WNK3: variants seen among roughly 807,000 people sequenced by gnomAD.
The protein encoded by WNK3 is WNK lysine deficient protein kinase 3.
Under a neutral mutation model 116.7 loss-of-function variants are expected in WNK3, and 18 were observed. That is an observed-to-expected ratio of 0.15 (90% CI 0.11 to 0.23). The LOEUF is 0.23. Ranked by LOEUF, WNK3 falls within the 10% of genes least tolerant of loss-of-function variation. The probability of loss-of-function intolerance (pLI) is 1.00; values close to 1 mark genes in which losing one functional copy is unlikely to be tolerated. For synonymous variants in WNK3, 404 were observed against 469.4 expected (o/e 0.86, Z 1.80); for missense variants, 993 against 1,323.8 (o/e 0.75, Z 3.88).
chrX:54,208,129 A>G (rs1347413303), intron 22 of WNK3, among the ~76,000 whole-genome samples: 1 of 109,481 alleles, frequency 9.1e-6, no homozygotes, highest in African/African-American at 3.3e-5. Context: ...AATATATACT[A>G]TATATGTTTT....
Position 54,291,246 on chromosome X carries a change from G to C in WNK3, c.2037+1642C>G, listed in dbSNP as rs1603391255. Among the ~76,000 whole-genome samples the C allele has an allele frequency of 2.7e-5, 3 of 110,803 alleles. No individual in the cohort carries two copies. The Admixed American group carries it at 2.9e-4, about 11-fold the overall frequency. On this transcript the variant is annotated intron_variant, in intron 10 of 23. Coordinates refer to ENST00000354646, the Ensembl canonical transcript of WNK3. Reference sequence around the variant, plus strand: ...AAGAATCGTTTGAACCCGGGAGGCGGAGGTTGCAGTGAGCCGAGATCGCGC... The same window carrying C: ...AAGAATCGTTTGAACCCGGGAGGCGCAGGTTGCAGTGAGCCGAGATCGCGC...
chrX:54,344,772 G>A (rs1387491401), intron 1 of WNK3, among the ~76,000 whole-genome samples: 2 of 110,157 alleles, frequency 1.8e-5, no homozygotes, highest in Non-Finnish European at 3.8e-5. Context: ...GTCAAACCCC[G>A]TCTCTACTAA....
At chrX:54,346,365 G>A (rs961452807) in intron 1 of WNK3, among the ~76,000 whole-genome samples, 23 of 107,539 alleles carry the variant, frequency 2.1e-4, no homozygotes, top group African/African-American at 7.8e-4. Flanking sequence ...AGCACCTGGG[G>A]AGACTGAGGC....
At chrX:54,207,543 T>C (rs1263385082) in intron 22 of WNK3, among the ~76,000 whole-genome samples, 2 of 103,364 alleles carry the variant, frequency 1.9e-5, no homozygotes, top group Non-Finnish European at 4.0e-5. Context: ...GATGGAGTTT[T>C]GCTCTTGTTG....
chrX:54,250,932 G>A (rs782749103), intron 15 of WNK3, among the ~76,000 whole-genome samples: 3 of 111,136 alleles, frequency 2.7e-5, no homozygotes. Flanking sequence ...AAGTTTATCT[G>A]GTATCTGATT....
At chrX:54,346,107 TAC>T (rs782394853) in intron 1 of WNK3, among the ~76,000 whole-genome samples, 71 of 48,277 alleles carry the variant, frequency 1.5e-3, no homozygotes, top group Admixed American at 6.3e-3. Flanking sequence ...TATATATATA[TAC>T]ACACACACAT....
At chrX:54,279,174 G>C (rs1475177979) in intron 10 of WNK3, among the ~76,000 whole-genome samples, 1 of 109,718 alleles carries the variant, frequency 9.1e-6, no homozygotes, top group African/African-American at 3.3e-5. Context: ...CCAGTTCTAA[G>C]GCTAGGCAAA....
intron 1 of WNK3, among the ~76,000 whole-genome samples, chrX:54,350,893 A>G (rs2069505710): frequency 9.0e-6 from 1 of 111,666 alleles, no homozygotes. Flanking sequence ...AAAATGCAAG[A>G]TGGATATATA....
intron 20 of WNK3, among the ~76,000 whole-genome samples, chrX:54,233,804 G>A (rs1376258975): frequency 1.1e-5 from 1 of 92,992 alleles, no homozygotes; most frequent in African/African-American, 4.2e-5. Flanking sequence ...GTGAGACCCT[G>A]TCTCTCTGAA....
At chrX:54,264,072 G>A (rs1603384853) in intron 10 of WNK3, among the ~76,000 whole-genome samples, 1 of 107,707 alleles carries the variant, frequency 9.3e-6, no homozygotes, top group East Asian at 3.0e-4. Flanking sequence ...GGTGGCTCAT[G>A]CCTATAATCC....
Position 54,239,135 on chromosome X carries a change from C to T in WNK3, c.3652-36G>A, listed in dbSNP as rs1459291013. On this transcript the variant is annotated intron_variant, in intron 17 of 23. Transcript: ENST00000354646. ...CAAAACAAAACAAAACAAAACAAAA[C>T]AAAACAAAACAAAACAAAACAACCG... 4 of 857,499 alleles carry T rather than the reference C, an allele frequency of 4.7e-6. No homozygotes were observed. In the African/African-American group the frequency reaches 8.9e-5, roughly 19 times the overall value. The allele number at this position is 857,499 out of a possible 1,213,427, so 70.7% of individuals were successfully genotyped here.
intron 1 of WNK3, among the ~76,000 whole-genome samples, chrX:54,341,325 G>A (rs1557176341): frequency 9.1e-6 from 1 of 110,275 alleles, no homozygotes; most frequent in East Asian, 2.8e-4. Context: ...TGAACCCAGG[G>A]GGCAGAGGTT....
chrX:54,327,020 C>T (rs1224913767), intron 2 of WNK3, among the ~76,000 whole-genome samples: 1 of 111,263 alleles, frequency 9.0e-6, no homozygotes, highest in Non-Finnish European at 1.9e-5. Context: ...CATGCCATTG[C>T]ATTCCAGCCT....
At chrX:54,292,566 C>T (rs1415914532) in intron 10 of WNK3, among the ~76,000 whole-genome samples, 2 of 109,344 alleles carry the variant, frequency 1.8e-5, no homozygotes, top group Admixed American at 2.0e-4. Flanking sequence ...ATTAGCGGGG[C>T]ATGGTGGCAC....
At chrX:54,308,837 T>G (rs1447690846) in intron 4 of WNK3, among the ~76,000 whole-genome samples, 2 of 112,116 alleles carry the variant, frequency 1.8e-5, no homozygotes, top group Non-Finnish European at 3.8e-5. Context: ...AAGGGCCAGA[T>G]AGTAAACTGT....
chrX:54,353,942 C>T (rs781949129), intron 1 of WNK3, among the ~76,000 whole-genome samples: 8 of 108,452 alleles, frequency 7.4e-5, no homozygotes, highest in Admixed American at 2.0e-4. Context: ...ATTAGCCAGG[C>T]GTGGTGGCAT....
At chrX:54,292,698 C>T (rs2068652087) in intron 10 of WNK3, among the ~76,000 whole-genome samples, 190 bp downstream of exon 10, 1 of 89,298 alleles carries the variant, frequency 1.1e-5, no homozygotes, top group South Asian at 6.0e-4. Flanking sequence ...AAGAGCGACA[C>T]TCCACCTCAA....
rs1557168975 is a variant in WNK3 at position 54,307,922 on chromosome X, A to G, written c.1089T>C (p.Ser363=). 2 of 1,184,542 alleles carry G rather than the reference A, an allele frequency of 1.7e-6. No individual in the cohort carries two copies. Among genetic ancestry groups the G allele is most frequent in the Non-Finnish European group, 2.3e-6 (2 of 882,613 alleles). The change falls in exon 5 of 24, where the codon AGT becomes AGC. Residue 363 remains serine (S), a splice_region_variant and synonymous_variant. Transcript: ENST00000354646. ...GTAAAAAGAAAAAAGTTATACCTACACTAGTTACTTTCCGGTATATTTGAG... is the reference window on the plus strand; with the variant it reads ...GTAAAAAGAAAAAAGTTATACCTACGCTAGTTACTTTCCGGTATATTTGAG...
In WNK3 at chrX:54,244,602, T is replaced by G. The variant is rs553052252; in HGVS notation, c.3651+4095A>C. Among the ~76,000 whole-genome samples the G allele has an allele frequency of 8.0e-5, 9 of 112,016 alleles. No individual in the cohort carries two copies. The South Asian group carries it at 3.3e-3, about 41-fold the overall frequency. On this transcript the variant is annotated intron_variant, in intron 17 of 23. Coordinates refer to ENST00000354646, the Ensembl canonical transcript of WNK3. ...GAAAAAAATTAAGCTGAAAGCTGAGTCATGCAAGAAACTGCATTTCATTTT... is the reference window on the plus strand; with the variant it reads ...GAAAAAAATTAAGCTGAAAGCTGAGGCATGCAAGAAACTGCATTTCATTTT...
Sources: gnomAD v4.1 joint callset for allele counts (sites outside exome capture counted in the v4.1 genomes callset) on GRCh38, gnomAD v4.1.1 for gene constraint, MANE v1.5 for transcripts, NCBI Gene and HGNC (gene_info 2026-07-23, HGNC 2026-07-21) for gene names.